TGFB1I1: variants seen among roughly 807,000 people sequenced by gnomAD.
TGFB1I1 encodes the protein transforming growth factor beta 1 induced transcript 1.
In TGFB1I1, 33 loss-of-function variants were observed where a neutral mutation model predicts 52.0. The observed-to-expected ratio is 0.63, with a 90% confidence interval of 0.48 to 0.85. TGFB1I1 has a LOEUF of 0.85. Among genes scored for constraint, TGFB1I1 ranks in the 40% least tolerant of loss-of-function variants. TGFB1I1 has a pLI of 0.00. For missense variants in TGFB1I1, 577 were observed against 614.9 expected (o/e 0.94, Z 0.65); for synonymous variants, 236 against 253.3 (o/e 0.93, Z 0.65).
In TGFB1I1 at chr16:31,474,682, C is replaced by T. The variant is rs750248693; in HGVS notation, c.639C>T (p.Ser213=). ...ACACCATGCTGGGGCTGCTGCAGTC[C>T]GACCTCAGCCGCCGGGGTGTTCCCA... ...SLDTMLGLLQ[S]DLSRRGVPTQ... Residue 213 remains serine, a synonymous_variant, in exon 7 of 11, where the codon TCC becomes TCT. Transcript: ENST00000394863. This position sits in a 1 kb window ranked among gnomAD's most constrained non-coding sequence, Gnocchi z 4.2. 2.0e-5 allele frequency: 33 copies of T among 1,612,990 alleles called. No homozygotes were observed. The highest frequency in any genetic ancestry group is 3.3e-4 in the Middle Eastern group (2 of 6,080).
At chr16:31,473,072 A>T in intron 1 of TGFB1I1, 1 of 416,438 alleles carries the variant, frequency 2.4e-6, no homozygotes, top group Non-Finnish European at 3.4e-6. Context: ...TAGAGGGAGG[A>T]GTTAACCAGC....
intron 1 of TGFB1I1, chr16:31,472,471 G>C (rs1222054379): frequency 2.1e-6 from 1 of 473,814 alleles, no homozygotes; most frequent in African/African-American, 2.0e-5. Context: ...GCGGGCGCCC[G>C]GGCGCGGGGC....
chr16:31,474,644 A>G lies in TGFB1I1; in HGVS notation c.601A>G (p.Lys201Glu). 1 of 1,613,208 alleles carries G rather than the reference A, an allele frequency of 6.2e-7. No homozygotes were observed. ...GSPSPPEPTG[K>E]GSLDTMLGLL... ...CCCATCCCCACCAGAGCCGACTGGCAAGGGCAGCCTAGACACCATGCTGGG... is the reference window on the plus strand; with the variant it reads ...CCCATCCCCACCAGAGCCGACTGGCGAGGGCAGCCTAGACACCATGCTGGG... The change falls in exon 7 of 11, where the codon AAG becomes GAG. Residue 201 changes from lysine to glutamate, a missense_variant. Physicochemically the swap from Lys to Glu is moderately conservative, Grantham distance 56 (BLOSUM62 1). Around this residue, in one of 3 missense-constraint regions of TGFB1I1, gnomAD observed 456 missense variants for 461.6 expected, o/e 0.99. Transcript: ENST00000394863. The surrounding 1 kb of genome is among the most constrained non-coding windows in gnomAD (Gnocchi z 4.2).
intron 1 of TGFB1I1, 163 bp from the exon 2 acceptor site, chr16:31,473,263 GATATTCTGGTCATAA>G: frequency 7.1e-7 from 1 of 1,417,280 alleles, no homozygotes; most frequent in Non-Finnish European, 9.2e-7. Flanking sequence ...GAGCAACTGG[GATATTCTGGTCATAA>G]ATATTCCTTG....
At chr16:31,472,272 T>A in intron 1 of TGFB1I1, 71 bp downstream of exon 1, 1 of 1,422,428 alleles carries the variant, frequency 7.0e-7, no homozygotes, top group Non-Finnish European at 9.2e-7. Flanking sequence ...GCCGTCGCTC[T>A]CCCGCATCTC....
rs753388681 is a variant in TGFB1I1, at chr16:31,473,901, C to T, written c.249C>T (p.Ser83=). ...APAAPPFSSS[S]GVLGTGLCEL... The stretch of plus-strand genomic sequence containing the variant: ...CGGCCCCTCCATTCTCCTCTTCCAG[C>T]GGTGTCTTGGGTACCGGGCTCTGTG... The change falls in exon 4 of 11, where the codon AGC becomes AGT. Residue 83 remains serine (S), a synonymous_variant. Transcript: ENST00000394863. The T allele has an allele frequency of 1.7e-5, 28 of 1,614,078 alleles. No individual in the cohort carries two copies. The highest frequency in any genetic ancestry group is 4.4e-5 in the South Asian group (4 of 91,088).
Position 31,477,644 on chromosome 16 carries a change from C to G in TGFB1I1, c.*68C>G, listed in dbSNP as rs988141666. Reference sequence around the variant, plus strand: ...CCGGAAAAGCCGGGTCCTCCAGACCCCGAGGCCTTGCTCTCAGAGCGGGAG... The same window carrying G: ...CCGGAAAAGCCGGGTCCTCCAGACCGCGAGGCCTTGCTCTCAGAGCGGGAG... On this transcript the variant is annotated 3_prime_UTR_variant, in exon 11 of 11. Coordinates refer to ENST00000394863, the MANE Select transcript of TGFB1I1 (RefSeq NM_001042454.3). This position sits in a 1 kb window ranked among gnomAD's most constrained non-coding sequence, Gnocchi z 4.7. 2.7e-6 allele frequency: 4 copies of G among 1,493,680 alleles called. No homozygotes were observed. In the African/African-American group the frequency reaches 5.5e-5, roughly 21 times the overall value. The allele number at this position is 1,493,680 out of a possible 1,614,324, so 92.5% of individuals were successfully genotyped here. A position where few individuals can be genotyped will look rare whatever the true frequency, so the allele number is the denominator to read the frequency against.
At chr16:31,475,916 C>A (rs1216964174) in intron 7 of TGFB1I1, 96 bp from the exon 8 acceptor site, 1 of 1,286,536 alleles carries the variant, frequency 7.8e-7, no homozygotes, top group Non-Finnish European at 1.1e-6. Flanking sequence ...TTATTCTGAT[C>A]GCTCAGAGAG....
chr16:31,474,608 A>G lies in TGFB1I1; in HGVS notation c.565A>G (p.Asn189Asp). 6.2e-7 allele frequency: 1 copy of G among 1,610,204 alleles called. No homozygotes were observed. The highest frequency in any genetic ancestry group is 8.5e-7 in the Non-Finnish European group (1 of 1,177,450). The change falls in exon 7 of 11, where the codon AAT becomes GAT. Residue 189 changes from asparagine (N) to aspartate (D), a missense_variant. By Grantham distance (23) the Asn-to-Asp change is conservative. Around this residue, in one of 3 missense-constraint regions of TGFB1I1, gnomAD observed 456 missense variants for 461.6 expected, o/e 0.99. Transcript: ENST00000394863. This position sits in a 1 kb window ranked among gnomAD's most constrained non-coding sequence, Gnocchi z 4.2. ...PTQPPVVSST[N>D]EGSPSPPEPT... ...TCAGCCACCGGTGGTGAGCTCCACA[A>G]ATGAGGGCTCCCCATCCCCACCAGA...
Position 31,477,145 on chromosome 16 carries a change from TA to T in TGFB1I1, c.1119+136del, listed in dbSNP as rs1483913342. 4 of 1,409,482 alleles carry T rather than the reference TA, an allele frequency of 2.8e-6. No individual in the cohort carries two copies. In the East Asian group the frequency reaches 1.0e-4, roughly 35 times the overall value. 87.3% of individuals were successfully genotyped at this position (1,409,482 alleles called of 1,614,324 possible). On this transcript the variant is annotated intron_variant, in intron 10 of 10. Transcript: ENST00000394863. The surrounding 1 kb of genome is among the most constrained non-coding windows in gnomAD (Gnocchi z 4.7). ...GGGGGCGGGTCACGGGAGGTGCTGC[TA>T]GGAACCTCGGGTGGGGCGAGTTTTC...
chr16:31,474,877 C>A lies in TGFB1I1; in HGVS notation c.714+120C>A. 2.1e-6 allele frequency: 2 copies of A among 972,596 alleles called. No individual in the cohort carries two copies. The highest frequency in any genetic ancestry group is 2.6e-5 in the Admixed American group (1 of 39,108). 60.2% of individuals were successfully genotyped at this position (972,596 alleles called of 1,614,324 possible). On this transcript the variant is annotated intron_variant, in intron 7 of 10. Coordinates refer to ENST00000394863, the MANE Select transcript of TGFB1I1 (RefSeq NM_001042454.3). This position sits in a 1 kb window ranked among gnomAD's most constrained non-coding sequence, Gnocchi z 4.2. Reference sequence around the variant, plus strand: ...ATCTGGGAAGTGGGTATCATTATTACTTATGTTTTATGGATGAGGAAACTG... The same window carrying A: ...ATCTGGGAAGTGGGTATCATTATTAATTATGTTTTATGGATGAGGAAACTG...
At chr16:31,473,084 T>A (rs1358458186) in intron 1 of TGFB1I1, 6 of 541,888 alleles carry the variant, frequency 1.1e-5, no homozygotes, top group African/African-American at 2.0e-5. Flanking sequence ...TTAACCAGCA[T>A]GGAAGAGAGA....
Position 31,476,241 on chromosome 16 carries a change from A to T in TGFB1I1, c.888+56A>T. 1 of 1,575,890 alleles carries T rather than the reference A, an allele frequency of 6.3e-7. No homozygotes were observed. Among genetic ancestry groups the T allele is most frequent in the Non-Finnish European group, 8.6e-7 (1 of 1,161,874 alleles). On this transcript the variant is annotated intron_variant, in intron 8 of 10. Coordinates refer to ENST00000394863, the MANE Select transcript of TGFB1I1 (RefSeq NM_001042454.3). The surrounding 1 kb of genome is among the most constrained non-coding windows in gnomAD (Gnocchi z 7.6). ...CCTATCTCACCAGGAGAGCTGTGGG[A>T]CGGGCCTCCACCGCATGGGTCCCGC...
chr16:31,477,262 C>G lies in TGFB1I1; in HGVS notation c.1120-48C>G. The G allele has an allele frequency of 6.4e-7, 1 of 1,562,522 alleles. No individual in the cohort carries two copies. Among genetic ancestry groups the G allele is most frequent in the South Asian group, 1.2e-5 (1 of 82,796 alleles). On this transcript the variant is annotated intron_variant, in intron 10 of 10. Coordinates refer to ENST00000394863, the MANE Select transcript of TGFB1I1 (RefSeq NM_001042454.3). The surrounding 1 kb of genome is among the most constrained non-coding windows in gnomAD (Gnocchi z 4.7). ...TCCGCTAGTAACGCGCGTTGTCTGGCAGTGGCCGCTGACCTGTCTGTCCTC... is the reference window on the plus strand; with the variant it reads ...TCCGCTAGTAACGCGCGTTGTCTGGGAGTGGCCGCTGACCTGTCTGTCCTC...
At chr16:31,475,917 G>C (rs964312165) in intron 7 of TGFB1I1, 95 bp from the exon 8 acceptor site, 4 of 1,302,114 alleles carry the variant, frequency 3.1e-6, no homozygotes, top group Non-Finnish European at 4.3e-6. Context: ...TATTCTGATC[G>C]CTCAGAGAGG....
At position 31,477,478 on chromosome 16, in the gene TGFB1I1, A is replaced by T. The variant is rs2082434017; in HGVS notation, c.1288A>T (p.Thr430Ser). Residue 430 changes from threonine to serine, a missense_variant, in exon 11 of 11, where the codon ACA becomes TCA. Transcript: ENST00000394863. This position sits in a 1 kb window ranked among gnomAD's most constrained non-coding sequence, Gnocchi z 4.7. ...LGRRFHPDHF[T>S]CTFCLRPLTK... ...TCGCCGCTTCCACCCGGACCACTTC[A>T]CATGCACCTTCTGCCTGCGCCCGCT... The T allele has an allele frequency of 6.2e-7, 1 of 1,605,158 alleles. No individual in the cohort carries two copies. The highest frequency in any genetic ancestry group is 1.7e-5 in the Admixed American group (1 of 59,202).
rs1025452078 is a variant in TGFB1I1 at position 31,473,989 on chromosome 16, A to T, written c.325+12A>T. ...GTTCAACATCACAGGTACCAGGGTG[A>T]CTGAGAGAGGCCTTGATGCGATAGG... On this transcript the variant is annotated intron_variant, in intron 4 of 10. Coordinates refer to ENST00000394863, the MANE Select transcript of TGFB1I1 (RefSeq NM_001042454.3). 22 of 1,613,582 alleles carry T rather than the reference A, an allele frequency of 1.4e-5. No individual in the cohort carries two copies. The East Asian group carries it at 4.9e-4, about 36-fold the overall frequency.
At position 31,474,419 on chromosome 16, in the gene TGFB1I1, G is replaced by A. The variant is rs998576558; in HGVS notation, c.483G>A (p.Leu161=). ...ATSATLELDR[L]MASLSDFRVQ... is the part of the protein sequence containing the mutation. ...CAGCCACTCTGGAGCTGGATAGACT[G>A]ATGGCCTCACTCTCTGACTTCCGCG... Residue 161 remains leucine, a synonymous_variant, in exon 6 of 11, where the codon CTG becomes CTA. Coordinates refer to ENST00000394863, the MANE Select transcript of TGFB1I1 (RefSeq NM_001042454.3). This position sits in a 1 kb window ranked among gnomAD's most constrained non-coding sequence, Gnocchi z 4.2. 3.1e-6 allele frequency: 5 copies of A among 1,614,194 alleles called. No individual in the cohort carries two copies. In the Middle Eastern group the frequency reaches 6.6e-4, roughly 213 times the overall value.
intron 7 of TGFB1I1, 159 bp from the exon 8 acceptor site, chr16:31,475,853 G>A: frequency 1.3e-6 from 1 of 760,260 alleles, no homozygotes; most frequent in Non-Finnish European, 2.1e-6. Flanking sequence ...GACGGAACAC[G>A]GGAGCTAGAT....
Sources: allele counts gnomAD v4.1 joint callset, GRCh38; gene constraint gnomAD v4.1.1; regional missense constraint gnomAD v4.1.1; non-coding constraint Gnocchi (gnomAD v3.1); transcripts MANE v1.5; gene names NCBI Gene and HGNC (gene_info 2026-07-23, HGNC 2026-07-21).